PALM2AKAP2: variants seen among roughly 807,000 people sequenced by gnomAD.
The protein encoded by PALM2AKAP2 is PALM2 and AKAP2 fusion.
Under a neutral mutation model 71.5 loss-of-function variants are expected in PALM2AKAP2, and 37 were observed. That is an observed-to-expected ratio of 0.52 (90% CI 0.40 to 0.68). The LOEUF is 0.68. Among genes scored for constraint, PALM2AKAP2 ranks in the 30% least tolerant of loss-of-function variants. The pLI is 0.00. For synonymous variants in PALM2AKAP2, 468 were observed against 478.8 expected, an observed-to-expected ratio of 0.98 and a Z score of 0.29; for missense variants, 1,224 against 1,191.8, an observed-to-expected ratio of 1.03 and a Z score of -0.40.
At chr9:110,047,782 G>T (rs1015150496), upstream of PALM2AKAP2, among the ~76,000 whole-genome samples, 1 of 152,204 alleles carries the variant, frequency 6.6e-6, no homozygotes. Flanking sequence ...TGGGGTGTTT[G>T]TTTGTGTGTG....
chr9:110,059,452 A>G (rs1169145825), intron 1 of PALM2AKAP2, among the ~76,000 whole-genome samples: 1 of 152,218 alleles, frequency 6.6e-6, no homozygotes, highest in Non-Finnish European at 1.5e-5. Context: ...CATGGACATT[A>G]TCCTTGAAAT....
chr9:109,981,582 C>A (rs1381998142), intron 6 of PALM2AKAP2, among the ~76,000 whole-genome samples: 1 of 152,200 alleles, frequency 6.6e-6, no homozygotes, highest in Non-Finnish European at 1.5e-5. Flanking sequence ...TGTTGCTTAG[C>A]AAACTTCTCC....
At position 110,060,828 on chromosome 9, in the gene PALM2AKAP2, C is replaced by T. The variant is rs143593420; in HGVS notation, c.156+11973C>T. On this transcript the variant is annotated intron_variant, in intron 1 of 3. Transcript: ENST00000374525. ...TGTTGGCCAGGATGGTCTCCATCTA[C>T]TGACCTTGTGATCCACCCGCCTCAG... Among the ~76,000 whole-genome samples, 812 of 152,148 alleles carry T rather than the reference C, an allele frequency of 5.3e-3. 6 individuals carry two copies. The highest frequency in any genetic ancestry group is 0.024 in the Middle Eastern group (7 of 294).
chr9:109,713,341 T>C, intron 1 of PALM2AKAP2, among the ~76,000 whole-genome samples: 1 of 152,178 alleles, frequency 6.6e-6, no homozygotes, highest in Non-Finnish European at 1.5e-5. Context: ...TCTAAGTCAG[T>C]GTCTCCTAAA....
intron 1 of PALM2AKAP2, among the ~76,000 whole-genome samples, chr9:110,068,226 CAA>C (rs1249074687): frequency 1.3e-5 from 2 of 149,200 alleles, no homozygotes; most frequent in Non-Finnish European, 2.9e-5. Context: ...TTAAGGAGGA[CAA>C]AGTCTCCAGC....
chr9:109,899,647 C>G (rs547563458), intron 3 of PALM2AKAP2, among the ~76,000 whole-genome samples: 31 of 152,192 alleles, frequency 2.0e-4, no homozygotes, highest in Non-Finnish European at 3.4e-4. Context: ...TCTTACTTCT[C>G]TGGCCTTGTC....
chr9:109,751,979 A>G (rs1420002503), intron 1 of PALM2AKAP2, among the ~76,000 whole-genome samples: 1 of 152,178 alleles, frequency 6.6e-6, no homozygotes. Context: ...TAAAAGTCAT[A>G]AAGATAACTA....
At chr9:110,160,924 G>A (rs544096588) in intron 3 of PALM2AKAP2, among the ~76,000 whole-genome samples, 7 of 152,200 alleles carry the variant, frequency 4.6e-5, no homozygotes, top group African/African-American at 1.4e-4. Context: ...AGACCTCGTC[G>A]GTTTTCCTGG....
At chr9:109,816,596 T>C (rs1827859935) in intron 1 of PALM2AKAP2, among the ~76,000 whole-genome samples, 1 of 152,066 alleles carries the variant, frequency 6.6e-6, no homozygotes, top group African/African-American at 2.4e-5. Flanking sequence ...GTCATCAGAG[T>C]TGAGGTTTTC....
intron 5 of PALM2AKAP2, among the ~76,000 whole-genome samples, chr9:109,929,499 T>C (rs1373819947): frequency 6.6e-6 from 1 of 152,172 alleles, no homozygotes; most frequent in East Asian, 1.9e-4. Flanking sequence ...TAGTTCTGCC[T>C]TGTGCTGCTT....
chr9:109,870,230 G>A (rs1303402333), intron 2 of PALM2AKAP2, among the ~76,000 whole-genome samples: 1 of 152,144 alleles, frequency 6.6e-6, no homozygotes, highest in Non-Finnish European at 1.5e-5. Flanking sequence ...TTTGATATGA[G>A]GAAAGGGTTG....
chr9:109,853,758 T>C (rs567469985), intron 1 of PALM2AKAP2, among the ~76,000 whole-genome samples: 1 of 152,334 alleles, frequency 6.6e-6, no homozygotes, highest in African/African-American at 2.4e-5. Flanking sequence ...CAGCAGGGAA[T>C]AAAAAGTCAG....
intron 3 of PALM2AKAP2, among the ~76,000 whole-genome samples, chr9:109,906,286 A>T (rs1024008812): frequency 6.6e-6 from 1 of 151,924 alleles, no homozygotes; most frequent in Non-Finnish European, 1.5e-5. Context: ...GCAACCTCCA[A>T]CTCCTGGGTT....
At chr9:110,010,813 A>G (rs144915030) in intron 6 of PALM2AKAP2, among the ~76,000 whole-genome samples, 2,875 of 148,264 alleles carry the variant, frequency 0.019, 51 homozygotes, top group Middle Eastern at 0.039. Context: ...CAGCCTCAAC[A>G]TGGAGAAATC....
intron 3 of PALM2AKAP2, among the ~76,000 whole-genome samples, chr9:110,163,549 G>GGAAA (rs777869209): frequency 6.6e-6 from 1 of 152,102 alleles, no homozygotes; most frequent in Non-Finnish European, 1.5e-5. Context: ...TTCCATGCAT[G>GGAAA]GTTTTATACT....
At chr9:110,052,264 A>G (rs1267456803) in intron 1 of PALM2AKAP2, among the ~76,000 whole-genome samples, 1 of 152,232 alleles carries the variant, frequency 6.6e-6, no homozygotes, top group Non-Finnish European at 1.5e-5. Context: ...AAAGCTAAAA[A>G]TAAAGGAACA....
chr9:110,032,758 A>G (rs1020647773), intron 7 of PALM2AKAP2, among the ~76,000 whole-genome samples: 22 of 145,400 alleles, frequency 1.5e-4, no homozygotes, highest in Non-Finnish European at 4.6e-5. Flanking sequence ...AAATAAAAAA[A>G]CAAAAAAAAT....
chr9:110,112,645 C>A (rs892853896), intron 1 of PALM2AKAP2, among the ~76,000 whole-genome samples: 10 of 152,210 alleles, frequency 6.6e-5, no homozygotes, highest in African/African-American at 2.4e-4. Context: ...AGCCGGTCTT[C>A]CTTGTTAAGT....
At chr9:110,090,157 T>A (rs192393661) in intron 1 of PALM2AKAP2, 110 of 315,018 alleles carry the variant, frequency 3.5e-4, no homozygotes, top group African/African-American at 2.0e-3. Context: ...TCGGGCCGGT[T>A]CACATTGCAG....
Sources: gnomAD v4.1 joint callset for allele counts (sites outside exome capture counted in the v4.1 genomes callset) on GRCh38, gnomAD v4.1.1 for gene constraint, MANE v1.5 for transcripts, NCBI Gene and HGNC (gene_info 2026-07-23, HGNC 2026-07-21) for gene names.